CCDC6: variants seen among roughly 807,000 people sequenced by gnomAD.
CCDC6 encodes coiled-coil domain containing 6, also known as coiled-coil domain-containing protein 6.
A neutral mutation model predicts 56.6 loss-of-function variants in CCDC6; 20 were observed. That is an observed-to-expected ratio of 0.35 (90% confidence interval 0.25 to 0.51). The LOEUF is 0.51. Among genes scored for constraint, CCDC6 ranks in the 20% least tolerant of loss-of-function variants. The pLI, the probability that CCDC6 is intolerant of heterozygous loss-of-function variation, is 0.95. For missense variants in CCDC6, 367 were observed against 601.1 expected (o/e 0.61, Z 4.07); for synonymous variants, 241 against 234.4 (o/e 1.03, Z -0.26).
intron 6 of CCDC6, 106 bp downstream of exon 6, chr10:59,806,816 A>G: frequency 1.0e-6 from 1 of 964,742 alleles, no homozygotes; most frequent in Non-Finnish European, 1.5e-6. Context: ...ATAAATACAT[A>G]TTTAAGCCAT....
At chr10:59,905,025 G>C (rs1034771850) in intron 1 of CCDC6, among the ~76,000 whole-genome samples, 1 of 152,132 alleles carries the variant, frequency 6.6e-6, no homozygotes, top group Non-Finnish European at 1.5e-5. Context: ...TTTTGCAGCA[G>C]CTATGGCCAT....
intron 4 of CCDC6, 38 bp from the exon 5 acceptor site, chr10:59,812,833 T>C: frequency 6.6e-7 from 1 of 1,510,116 alleles, no homozygotes. Context: ...TGACTAACAG[T>C]TTTCCTTGAA....
chr10:59,871,980 T>C (rs1398020840), intron 1 of CCDC6, among the ~76,000 whole-genome samples: 1 of 152,152 alleles, frequency 6.6e-6, no homozygotes, highest in Non-Finnish European at 1.5e-5. Flanking sequence ...ACTAGAAAAT[T>C]CTCAAGTATA....
At position 59,833,921 on chromosome 10, in the gene CCDC6, T is replaced by G. The variant is rs77766172; in HGVS notation, c.454-1268A>C. The stretch of plus-strand genomic sequence containing the variant: ...CAATACAGCTGGAAAGTGGCAGAGC[T>G]TGGGACCCAGAACCCCAAACCAGTG... On this transcript the variant is annotated intron_variant, in intron 2 of 8. Transcript: ENST00000263102. 2.0e-5 allele frequency among the ~76,000 whole-genome samples: 3 copies of G among 152,230 alleles called. No homozygotes were observed. The East Asian group carries it at 5.8e-4, about 29-fold the overall frequency.
At chr10:59,902,233 C>A (rs775227744) in intron 1 of CCDC6, among the ~76,000 whole-genome samples, 1 of 152,036 alleles carries the variant, frequency 6.6e-6, no homozygotes, top group Admixed American at 6.6e-5. Context: ...CCAGAATAGC[C>A]GCTTACATAC....
chr10:59,869,082 T>C (rs1589055627), intron 1 of CCDC6, among the ~76,000 whole-genome samples: 1 of 152,094 alleles, frequency 6.6e-6, no homozygotes, highest in East Asian at 1.9e-4. Context: ...AGAATGCCTT[T>C]AACCTGTCTT....
intron 1 of CCDC6, among the ~76,000 whole-genome samples, chr10:59,888,729 G>A (rs2071400724): frequency 6.6e-6 from 1 of 152,200 alleles, no homozygotes. Flanking sequence ...CCTTATCAGA[G>A]AGGCAAACTG....
intron 7 of CCDC6, among the ~76,000 whole-genome samples, chr10:59,798,791 G>A (rs10994018): frequency 0.016 from 2,492 of 151,942 alleles, 55 homozygotes; most frequent in East Asian, 0.09. Flanking sequence ...TCAGGAGTTC[G>A]AGACCAGCCT....
In CCDC6 at chr10:59,806,930, G is replaced by A. The variant is rs762276135; in HGVS notation, c.996C>T (p.Asp332=). ...LSESESSLEM[D]DERYFNEMSA... ...ATAAGACATGCACACACCTTTCGTC[G>A]TCCATTTCTAAGCTGGACTCACTCT... Residue 332 remains aspartate, a synonymous_variant, in exon 6 of 9, where the codon GAC becomes GAT. Transcript: ENST00000263102. 1.4e-4 allele frequency: 222 copies of A among 1,613,324 alleles called. 2 individuals are homozygous for A. In the South Asian group the frequency reaches 1.6e-3, roughly 12 times the overall value.
chr10:59,887,861 C>T (rs949134389), intron 1 of CCDC6, among the ~76,000 whole-genome samples: 5 of 152,054 alleles, frequency 3.3e-5, no homozygotes, highest in Admixed American at 2.0e-4. Context: ...AGAAAGAACC[C>T]TAGCCTGGAT....
At position 59,886,903 on chromosome 10, in the gene CCDC6, T is replaced by C. The variant is rs890799275; in HGVS notation, c.303+19219A>G. On this transcript the variant is annotated intron_variant, in intron 1 of 8. Transcript: ENST00000263102. Reference sequence around the variant, plus strand: ...AAGAAATGATGCTTATCCACCCCCTTGAGAGAAATGCAAAGACTGTACTAA... The same window carrying C: ...AAGAAATGATGCTTATCCACCCCCTCGAGAGAAATGCAAAGACTGTACTAA... Among the ~76,000 whole-genome samples the C allele has an allele frequency of 3.9e-5, 6 of 152,310 alleles. No individual in the cohort carries two copies. The East Asian group carries it at 9.6e-4, about 24-fold the overall frequency.
At position 59,894,492 on chromosome 10, in the gene CCDC6, C is replaced by G. The variant is rs935328733; in HGVS notation, c.303+11630G>C. 2.0e-5 allele frequency among the ~76,000 whole-genome samples: 3 copies of G among 152,284 alleles called. No individual in the cohort carries two copies. In the East Asian group the frequency reaches 5.8e-4, roughly 29 times the overall value. On this transcript the variant is annotated intron_variant, in intron 1 of 8. Transcript: ENST00000263102. The stretch of plus-strand genomic sequence containing the variant: ...CTCCTGGATTGAATCAGGGGCCCAC[C>G]ACCAATGCCACCAGCACAAAATCAT...
intron 1 of CCDC6, among the ~76,000 whole-genome samples, chr10:59,879,142 A>G (rs941986250): frequency 6.6e-6 from 1 of 152,206 alleles, no homozygotes; most frequent in African/African-American, 2.4e-5. Context: ...AAAGGTCCAC[A>G]TGACTTGACA....
intron 1 of CCDC6, among the ~76,000 whole-genome samples, chr10:59,854,564 G>T (rs979062989): frequency 4.0e-5 from 6 of 151,104 alleles, no homozygotes; most frequent in Non-Finnish European, 8.9e-5. Context: ...CAGTCCATAG[G>T]TTCCCCCAGT....
At chr10:59,877,065 G>A (rs1263055169) in intron 1 of CCDC6, among the ~76,000 whole-genome samples, 1 of 152,044 alleles carries the variant, frequency 6.6e-6, no homozygotes, top group Admixed American at 6.6e-5. Flanking sequence ...ACATAGAAAA[G>A]GTACAGTAAA....
chr10:59,854,390 A>G (rs1246545191), intron 1 of CCDC6, among the ~76,000 whole-genome samples: 1 of 152,160 alleles, frequency 6.6e-6, no homozygotes, highest in Admixed American at 6.5e-5. Context: ...CATAGTACAC[A>G]GACTGAAAAA....
chr10:59,826,129 T>C (rs2070786265), intron 3 of CCDC6, among the ~76,000 whole-genome samples: 1 of 152,156 alleles, frequency 6.6e-6, no homozygotes, highest in Admixed American at 6.5e-5. Context: ...TAGAGCTATG[T>C]GGCTTCCTTC....
chr10:59,886,208 A>C (rs1406277872), intron 1 of CCDC6, among the ~76,000 whole-genome samples: 4 of 152,202 alleles, frequency 2.6e-5, no homozygotes, highest in African/African-American at 9.7e-5. Context: ...CAGAGCCCGA[A>C]ACGGACCAGG....
chr10:59,811,823 G>A (rs2070674922), intron 5 of CCDC6, among the ~76,000 whole-genome samples: 1 of 151,848 alleles, frequency 6.6e-6, no homozygotes. Context: ...AGGGACAACT[G>A]TATTTATTGA....
Sources: gnomAD v4.1 joint callset for allele counts (sites outside exome capture counted in the v4.1 genomes callset) on GRCh38, gnomAD v4.1.1 for gene constraint, MANE v1.5 for transcripts, NCBI Gene and HGNC (gene_info 2026-07-23, HGNC 2026-07-21) for gene names.